Variants in DOCK4 observed in about 807,000 individuals in gnomAD.
The protein encoded by DOCK4 is dedicator of cytokinesis protein 4.
In DOCK4, 97 loss-of-function variants were observed where a neutral mutation model predicts 268.1. The ratio of observed to expected loss-of-function variants is 0.36; its 90% CI spans 0.31 to 0.43. The LOEUF is 0.43. Among genes scored for constraint, DOCK4 ranks in the 20% least tolerant of loss-of-function variants. The pLI is 1.00. For missense variants in DOCK4, 2,145 were observed against 2,455.7 expected, an observed-to-expected ratio of 0.87 and a Z score of 2.67; for synonymous variants, 954 against 887.2, an observed-to-expected ratio of 1.08 and a Z score of -1.34.
At chr7:111,934,530 T>TTTTG (rs749087364) in intron 12 of DOCK4, among the ~76,000 whole-genome samples, 8,509 of 133,442 alleles carry the variant, frequency 0.064, 346 homozygotes, top group East Asian at 0.3. Context: ...TTTGTTTTTT[T>TTTTG]TTTTTTTTTT....
intron 51 of DOCK4, 178 bp from the exon 52 acceptor site, chr7:111,732,465 A>C: frequency 1.6e-6 from 1 of 629,704 alleles, no homozygotes; most frequent in Admixed American, 2.8e-5. Flanking sequence ...ATGGGTTCTC[A>C]CAAAGGGTGG....
chr7:111,856,175 T>C (rs774876166), intron 23 of DOCK4, among the ~76,000 whole-genome samples: 7 of 152,174 alleles, frequency 4.6e-5, no homozygotes, highest in Non-Finnish European at 8.8e-5. Context: ...AGAAATGAAA[T>C]GATACAGGTG....
At chr7:111,852,341 C>T (rs1488028250) in intron 23 of DOCK4, among the ~76,000 whole-genome samples, 1 of 152,116 alleles carries the variant, frequency 6.6e-6, no homozygotes, top group African/African-American at 2.4e-5. Context: ...AGCATCAAAA[C>T]AGACAACATA....
intron 42 of DOCK4, 135 bp from the exon 43 acceptor site, chr7:111,747,578 T>A: frequency 1.2e-6 from 1 of 832,808 alleles, no homozygotes; most frequent in Non-Finnish European, 1.8e-6. Flanking sequence ...GGCCATTCCG[T>A]AGAATAGACA....
rs1435070608 is a variant in DOCK4, at chr7:111,983,879, C to CAA, written c.549+426_549+427insTT. Among the ~76,000 whole-genome samples, 13 of 151,026 alleles carry CAA rather than the reference C, an allele frequency of 8.6e-5. No individual in the cohort carries two copies. In the East Asian group the frequency reaches 2.3e-3, roughly 27 times the overall value. The stretch of plus-strand genomic sequence containing the variant: ...GCGCGCGCGCACACACACACACACA[C>CAA]ACACACACTATATGTATATAGAGCT... On this transcript the variant is annotated intron_variant, in intron 7 of 52. Coordinates refer to ENST00000428084, the MANE Select transcript of DOCK4 (RefSeq NM_001363540.2).
At chr7:111,978,657 G>T (rs1295923827) in intron 7 of DOCK4, among the ~76,000 whole-genome samples, 1 of 152,156 alleles carries the variant, frequency 6.6e-6, no homozygotes, top group East Asian at 1.9e-4. Flanking sequence ...TCTAGGTTAG[G>T]GCTCACACTG....
At position 112,027,640 on chromosome 7, in the gene DOCK4, G is replaced by A. The variant is rs10273794; in HGVS notation, c.38-23509C>T. ...GGCTTTTGTTATTTTGGTCAAAGCA[G>A]ATTTAATGAACTTAATTAAGTGGAA... On this transcript the variant is annotated intron_variant, in intron 1 of 52. Transcript: ENST00000428084. Among the ~76,000 whole-genome samples, 1,152 of 152,274 alleles carry A rather than the reference G, an allele frequency of 7.6e-3. 20 individuals carry two copies. The highest frequency in any genetic ancestry group is 0.026 in the African/African-American group (1,086 of 41,556).
rs903946558 is a variant in DOCK4, at chr7:112,206,224, C to G, written c.-86G>C. 9 of 1,436,588 alleles carry G rather than the reference C, an allele frequency of 6.3e-6. No homozygotes were observed. Among genetic ancestry groups the G allele is most frequent in the Middle Eastern group, 1.7e-4 (1 of 5,740 alleles). The allele number at this position is 1,436,588 out of a possible 1,614,324, so 89.0% of individuals were successfully genotyped here. On this transcript the variant is annotated 5_prime_UTR_variant, in exon 1 of 53. Coordinates refer to ENST00000428084, the MANE Select transcript of DOCK4 (RefSeq NM_001363540.2). ...AACAATGCACAGTCCCCGAGCAGCG[C>G]TGCAGTGCCGGAGCCCAGCGGCTTC...
intron 1 of DOCK4, among the ~76,000 whole-genome samples, chr7:112,195,291 A>G (rs2116830710): frequency 6.6e-6 from 1 of 152,236 alleles, no homozygotes; most frequent in East Asian, 1.9e-4. Context: ...AAAATAAACA[A>G]ACTAGCAAAC....
At position 111,809,325 on chromosome 7, in the gene DOCK4, G is replaced by A; in HGVS notation, c.3083C>T (p.Ser1028Phe). 1 of 1,562,342 alleles carries A rather than the reference G, an allele frequency of 6.4e-7. No homozygotes were observed. The highest frequency in any genetic ancestry group is 8.7e-7 in the Non-Finnish European group (1 of 1,151,654). ...CTTTTCTAACACCTTTTTCTTCTTGGAAGGTGTGAACATCTCCAACTGCAG... is the reference window on the plus strand; with the variant it reads ...CTTTTCTAACACCTTTTTCTTCTTGAAAGGTGTGAACATCTCCAACTGCAG... ...LCLQLEMFTP[S>F]KKKKVLEKYG... is the part of the protein sequence containing the mutation. The change falls in exon 29 of 53, where the codon TCC becomes TTC. Residue 1028 changes from serine to phenylalanine, a missense_variant. By Grantham distance (155) the Ser-to-Phe change is radical (BLOSUM62 -2). Around this residue, in one of 2 missense-constraint regions of DOCK4, gnomAD observed 1,598 missense variants for 1,986.7 expected, o/e 0.80. Transcript: ENST00000428084.
chr7:112,089,055 A>T (rs1809382264), intron 1 of DOCK4, among the ~76,000 whole-genome samples: 1 of 152,220 alleles, frequency 6.6e-6, no homozygotes, highest in African/African-American at 2.4e-5. Context: ...AATTGTTATG[A>T]AATGACAATA....
At chr7:112,122,675 A>G (rs1812846853) in intron 1 of DOCK4, among the ~76,000 whole-genome samples, 2 of 152,120 alleles carry the variant, frequency 1.3e-5, no homozygotes, top group Non-Finnish European at 2.9e-5. Context: ...AGGATGATAT[A>G]TTTGAATTTG....
At chr7:112,068,489 AC>A (rs1807281816) in intron 1 of DOCK4, among the ~76,000 whole-genome samples, 1 of 152,184 alleles carries the variant, frequency 6.6e-6, no homozygotes, top group Non-Finnish European at 1.5e-5. Flanking sequence ...CATCTGTAAG[AC>A]AGAGGTAACA....
chr7:112,177,609 A>G (rs1320110078), intron 1 of DOCK4, among the ~76,000 whole-genome samples: 1 of 152,238 alleles, frequency 6.6e-6, no homozygotes, highest in South Asian at 2.1e-4. Context: ...AACTGCCTCA[A>G]CTGTGATAAG....
intron 1 of DOCK4, among the ~76,000 whole-genome samples, chr7:112,005,111 T>C (rs990724086): frequency 1.3e-5 from 2 of 152,100 alleles, no homozygotes; most frequent in East Asian, 3.8e-4. Flanking sequence ...CAACTAACAA[T>C]TCACATCAAA....
chr7:111,990,735 C>T (rs1213858331), intron 5 of DOCK4, among the ~76,000 whole-genome samples: 1 of 152,184 alleles, frequency 6.6e-6, no homozygotes, highest in African/African-American at 2.4e-5. Flanking sequence ...GTTATACACT[C>T]CCATACAAGC....
chr7:111,896,847 T>G (rs1808801443), intron 15 of DOCK4, among the ~76,000 whole-genome samples: 1 of 152,166 alleles, frequency 6.6e-6, no homozygotes, highest in African/African-American at 2.4e-5. Flanking sequence ...AGGACATCCC[T>G]GAAAATGTAA....
At position 111,769,763 on chromosome 7, in the gene DOCK4, A is replaced by G. The variant is rs113706132; in HGVS notation, c.3680-86T>C. 1,307 of 1,431,328 alleles carry G rather than the reference A, an allele frequency of 9.1e-4. 28 individuals carry two copies. The South Asian group carries it at 0.016, about 17-fold the overall frequency. 88.7% of individuals were successfully genotyped at this position (1,431,328 alleles called of 1,614,324 possible). A position where few individuals can be genotyped will look rare whatever the true frequency, so the allele number is the denominator to read the frequency against. ...GTGGCCAGTTTCCGACAAACTGGGG[A>G]AAAAAAATACTATTTTCTAAATTTC... On this transcript the variant is annotated intron_variant, in intron 36 of 52. Transcript: ENST00000428084.
intron 13 of DOCK4, among the ~76,000 whole-genome samples, chr7:111,910,153 T>C (rs1791973093): frequency 6.6e-6 from 1 of 152,112 alleles, no homozygotes; most frequent in African/African-American, 2.4e-5. Flanking sequence ...AGTGAAATCA[T>C]GATGGAGGCA....
Sources: allele counts gnomAD v4.1 joint callset (sites outside exome capture counted in the v4.1 genomes callset), GRCh38; gene constraint gnomAD v4.1.1; regional missense constraint gnomAD v4.1.1; transcripts MANE v1.5; gene names NCBI Gene and HGNC (gene_info 2026-07-23, HGNC 2026-07-21).